The following GALNTL6 variants were observed in gnomAD, a reference collection of about 807,000 sequenced individuals.
The protein encoded by GALNTL6 is polypeptide N-acetylgalactosaminyltransferase like 6, also known as polypeptide N-acetylgalactosaminyltransferase-like 6.
Under a neutral mutation model 73.7 loss-of-function variants are expected in GALNTL6, and 46 were observed. The observed-to-expected ratio is 0.62, with a 90% CI of 0.49 to 0.80. The LOEUF (loss-of-function observed/expected upper bound fraction) is 0.80. GALNTL6 is among the 30% of genes least tolerant of loss of function. GALNTL6 has a pLI of 0.00. For synonymous variants in GALNTL6, 259 were observed against 263.7 expected, an observed-to-expected ratio of 0.98 and a Z score of 0.17; for missense variants, 604 against 755.0, an observed-to-expected ratio of 0.80 and a Z score of 2.34.
intron 5 of GALNTL6, among the ~76,000 whole-genome samples, chr4:172,421,465 GA>G (rs1236167571): frequency 1.3e-5 from 2 of 151,718 alleles, no homozygotes; most frequent in African/African-American, 4.8e-5. Context: ...AAGTATTATA[GA>G]AAACTTTTAA....
intron 8 of GALNTL6, among the ~76,000 whole-genome samples, chr4:172,916,092 A>G (rs973681017): frequency 6.6e-6 from 1 of 152,256 alleles, no homozygotes; most frequent in Non-Finnish European, 1.5e-5. Flanking sequence ...CTGGTTCAAC[A>G]TATGCAAATC....
chr4:172,539,618 T>C (rs1410421419), intron 5 of GALNTL6, among the ~76,000 whole-genome samples: 2 of 152,064 alleles, frequency 1.3e-5, no homozygotes, highest in Admixed American at 1.3e-4. Context: ...CTCAGCCAAA[T>C]TGCATAACCT....
chr4:172,641,070 A>G (rs920478010), intron 5 of GALNTL6, among the ~76,000 whole-genome samples: 1 of 151,938 alleles, frequency 6.6e-6, no homozygotes, highest in African/African-American at 2.4e-5. Flanking sequence ...CATACAATCC[A>G]CTAGAAAGTC....
chr4:172,134,659 G>A (rs1362851779), intron 2 of GALNTL6, among the ~76,000 whole-genome samples: 4 of 152,128 alleles, frequency 2.6e-5, no homozygotes, highest in African/African-American at 9.7e-5. Flanking sequence ...CTGGAGTATG[G>A]AGTCAGAGTG....
At chr4:172,017,480 G>T (rs1412144306) in intron 2 of GALNTL6, among the ~76,000 whole-genome samples, 1 of 152,084 alleles carries the variant, frequency 6.6e-6, no homozygotes, top group Non-Finnish European at 1.5e-5. Context: ...TCTTCTGGGA[G>T]AAGCCCCAAT....
chr4:172,044,971 T>G (rs1398629331), intron 2 of GALNTL6, among the ~76,000 whole-genome samples: 1 of 152,060 alleles, frequency 6.6e-6, no homozygotes, highest in African/African-American at 2.4e-5. Context: ...GAAAAAAATG[T>G]AAAACCCATG....
chr4:172,887,401 T>C (rs78062783), intron 8 of GALNTL6, among the ~76,000 whole-genome samples: 18,308 of 152,094 alleles, frequency 0.12, 1,324 homozygotes, highest in Non-Finnish European at 0.17. Flanking sequence ...AACCCCAGCA[T>C]GGTAGTTCTA....
chr4:171,958,341 A>C (rs986092459), intron 2 of GALNTL6, among the ~76,000 whole-genome samples: 3 of 152,192 alleles, frequency 2.0e-5, no homozygotes, highest in African/African-American at 7.2e-5. Context: ...GTCTTTTTCT[A>C]TATTAAAACT....
intron 2 of GALNTL6, among the ~76,000 whole-genome samples, chr4:172,096,388 G>A (rs577337493): frequency 6.6e-6 from 1 of 152,142 alleles, no homozygotes; most frequent in African/African-American, 2.4e-5. Context: ...AGCCACTGCC[G>A]GGCTTGGCCT....
In GALNTL6 at chr4:172,069,522, G is replaced by GTATGGCACATATATGTTATA. The variant is rs1731461334; in HGVS notation, c.139-160131_139-160130insGGCACATATATGTTATATAT. ...TATGTATAACACATATATGTTATATGTATAACACATATATTATATATAACA... is the reference window on the plus strand; with the variant it reads ...TATGTATAACACATATATGTTATATGTATGGCACATATATGTTATATATAACACATATATTATATATAACA... On this transcript the variant is annotated intron_variant, in intron 2 of 12. Transcript: ENST00000506823. 7.1e-5 allele frequency among the ~76,000 whole-genome samples: 4 copies of GTATGGCACATATATGTTATA among 56,032 alleles called. 1 individual carries two copies. Among genetic ancestry groups the GTATGGCACATATATGTTATA allele is most frequent in the East Asian group, 6.4e-4 (2 of 3,102 alleles). The allele number at this position is 56,032 out of a possible 152,430, so 36.8% of individuals were successfully genotyped here.
At chr4:172,832,569 C>T (rs576921207) in intron 7 of GALNTL6, among the ~76,000 whole-genome samples, 58 of 152,298 alleles carry the variant, frequency 3.8e-4, no homozygotes, top group Non-Finnish European at 6.8e-4. Flanking sequence ...TCAAAAATTT[C>T]TCTCCAAAGA....
At chr4:172,753,697 T>C (rs1314814030) in intron 5 of GALNTL6, among the ~76,000 whole-genome samples, 1 of 152,216 alleles carries the variant, frequency 6.6e-6, no homozygotes, top group Non-Finnish European at 1.5e-5. Flanking sequence ...TATCATAGAA[T>C]AACCACAATT....
chr4:172,387,412 A>G (rs757669246), intron 5 of GALNTL6, among the ~76,000 whole-genome samples: 15 of 152,100 alleles, frequency 9.9e-5, no homozygotes, highest in Admixed American at 2.6e-4. Context: ...TGAAAAATTG[A>G]TTTTCTGAAT....
intron 2 of GALNTL6, among the ~76,000 whole-genome samples, chr4:172,206,937 C>T (rs184877535): frequency 6.6e-6 from 1 of 150,996 alleles, no homozygotes; most frequent in Non-Finnish European, 1.5e-5. Context: ...CGTGCCTCAG[C>T]CTCCCGAGTA....
At chr4:172,751,623 A>T (rs1037601056) in intron 5 of GALNTL6, among the ~76,000 whole-genome samples, 1 of 152,228 alleles carries the variant, frequency 6.6e-6, no homozygotes, top group East Asian at 1.9e-4. Context: ...TTGAAGTCAC[A>T]AAAACAGTGT....
In GALNTL6 at chr4:171,984,527, G is replaced by A. The variant is rs542793984; in HGVS notation, c.138+169809G>A. On this transcript the variant is annotated intron_variant, in intron 2 of 12. Coordinates refer to ENST00000506823, the MANE Select transcript of GALNTL6 (RefSeq NM_001034845.3). ...GGAGAGAGTTTTGTAGCGGGACTTT[G>A]GGTTGCAAACTGAATGTTATCTCTG... Among the ~76,000 whole-genome samples, 131 of 152,166 alleles carry A rather than the reference G, an allele frequency of 8.6e-4. 5 individuals carry two copies. In the South Asian group the frequency reaches 0.026, roughly 30 times the overall value.
intron 5 of GALNTL6, among the ~76,000 whole-genome samples, chr4:172,448,610 C>G (rs1732108073): frequency 6.6e-6 from 1 of 152,202 alleles, no homozygotes; most frequent in African/African-American, 2.4e-5. Context: ...CCTCTATTCG[C>G]TATCTGGGGA....
chr4:172,117,958 GA>G lies in GALNTL6; in HGVS notation c.139-111691del, dbSNP rs985537847. Among the ~76,000 whole-genome samples the G allele has an allele frequency of 6.6e-5, 10 of 152,106 alleles. 1 individual carries two copies. The highest frequency in any genetic ancestry group is 2.0e-4 in the Admixed American group (3 of 15,274). ...TGAAAATACAGAAACATTCTGGTGAGAAAAAAATTCTTCTATGACACCCTAG... is the reference window on the plus strand; with the variant it reads ...TGAAAATACAGAAACATTCTGGTGAGAAAAAATTCTTCTATGACACCCTAG... On this transcript the variant is annotated intron_variant, in intron 2 of 12. Transcript: ENST00000506823.
At chr4:172,750,078 A>G (rs956811625) in intron 5 of GALNTL6, among the ~76,000 whole-genome samples, 2 of 152,186 alleles carry the variant, frequency 1.3e-5, no homozygotes, top group African/African-American at 2.4e-5. Flanking sequence ...ATCTTTTAAA[A>G]ATTTATAACA....
Sources: gnomAD v4.1 joint callset for allele counts (sites outside exome capture counted in the v4.1 genomes callset) on GRCh38, gnomAD v4.1.1 for gene constraint, MANE v1.5 for transcripts, NCBI Gene and HGNC (gene_info 2026-07-23, HGNC 2026-07-21) for gene names.